PTPN14: variants seen among roughly 807,000 people sequenced by gnomAD.
The protein encoded by PTPN14 is tyrosine-protein phosphatase non-receptor type 14.
In PTPN14, 53 loss-of-function variants were observed where a neutral mutation model predicts 126.8. The observed-to-expected ratio is 0.42, with a 90% CI of 0.34 to 0.53. The LOEUF (loss-of-function observed/expected upper bound fraction) is 0.53. Among genes scored for constraint, PTPN14 ranks in the 20% least tolerant of loss-of-function variants. The pLI is 0.08. For synonymous variants in PTPN14, 630 were observed against 599.3 expected (o/e 1.05, Z -0.75); for missense variants, 1,257 against 1,552.9 (o/e 0.81, Z 3.20).
rs770203527 is a variant in PTPN14, at chr1:214,384,052, C to T, written c.1803G>A (p.Lys601=). The T allele has an allele frequency of 6.3e-7, 1 of 1,585,882 alleles. No homozygotes were observed. The highest frequency in any genetic ancestry group is 1.1e-5 in the South Asian group (1 of 89,226). The change falls in exon 13 of 19, where the codon AAG becomes AAA. Residue 601 remains lysine (K), a synonymous_variant. Transcript: ENST00000366956. The surrounding 1 kb of genome is among the most constrained non-coding windows in gnomAD (Gnocchi z 5.3). The part of the protein sequence containing the change: ...SGSSPDLVTR[K]VQLSVKTFQE... The stretch of plus-strand genomic sequence containing the variant: ...GGAAGGTCTTCACCGAGAGCTGCAC[C>T]TTCCGGGTCACCAGGTCCGGGCTGC...
At chr1:214,433,444 G>A (rs535816931) in intron 3 of PTPN14, among the ~76,000 whole-genome samples, 1 of 152,012 alleles carries the variant, frequency 6.6e-6, no homozygotes, top group Admixed American at 6.6e-5. Context: ...TAGAAAAATG[G>A]GATATTTAAG....
At chr1:214,550,040 A>T (rs988790543) in intron 1 of PTPN14, among the ~76,000 whole-genome samples, 8 of 152,076 alleles carry the variant, frequency 5.3e-5, no homozygotes, top group African/African-American at 1.7e-4. Flanking sequence ...GAGGAGCACA[A>T]CCTCTATCCT....
rs1034337228 is a variant in PTPN14, at chr1:214,467,566, T to C, written c.-154-2609A>G. Among the ~76,000 whole-genome samples, 3 of 47,720 alleles carry C rather than the reference T, an allele frequency of 6.3e-5. No individual in the cohort carries two copies. The East Asian group carries it at 1.5e-3, about 24-fold the overall frequency. 31.3% of individuals were successfully genotyped at this position (47,720 alleles called of 152,430 possible). A position where few individuals can be genotyped will look rare whatever the true frequency, so the allele number is the denominator to read the frequency against. ...GTATAGATGATTGGAATTTTTATGATATACAAAAACACAAAGAGGAAAGAA... is the reference window on the plus strand; with the variant it reads ...GTATAGATGATTGGAATTTTTATGACATACAAAAACACAAAGAGGAAAGAA... On this transcript the variant is annotated intron_variant, in intron 1 of 18. Coordinates refer to ENST00000366956, the MANE Select transcript of PTPN14 (RefSeq NM_005401.5).
At chr1:214,448,933 C>CA (rs1660208913) in intron 3 of PTPN14, among the ~76,000 whole-genome samples, 1 of 151,644 alleles carries the variant, frequency 6.6e-6, no homozygotes, top group South Asian at 2.1e-4. Flanking sequence ...CCAGAACTGA[C>CA]AAAGAATTCC....
At chr1:214,400,528 CCT>C (rs776316290) in intron 7 of PTPN14, among the ~76,000 whole-genome samples, 59 of 152,222 alleles carry the variant, frequency 3.9e-4, no homozygotes, top group Non-Finnish European at 6.5e-4. Flanking sequence ...CTCAACTGCC[CCT>C]GTTTCTCGCA....
chr1:214,471,528 G>A (rs1374273870), intron 1 of PTPN14, among the ~76,000 whole-genome samples: 1 of 152,116 alleles, frequency 6.6e-6, no homozygotes, highest in African/African-American at 2.4e-5. Flanking sequence ...CATAGTTTCA[G>A]AGTATGCTAG....
intron 1 of PTPN14, among the ~76,000 whole-genome samples, chr1:214,526,272 G>C (rs1352758980): frequency 6.6e-6 from 1 of 152,044 alleles, no homozygotes; most frequent in Non-Finnish European, 1.5e-5. Context: ...GGCCAAGCTA[G>C]AGTCACTTCT....
rs183039133 is a variant in PTPN14, at chr1:214,471,115, C to T, written c.-154-6158G>A. Among the ~76,000 whole-genome samples the T allele has an allele frequency of 1.8e-4, 27 of 150,006 alleles. 1 individual carries two copies. In the East Asian group the frequency reaches 2.5e-3, roughly 14 times the overall value. On this transcript the variant is annotated intron_variant, in intron 1 of 18. Coordinates refer to ENST00000366956, the MANE Select transcript of PTPN14 (RefSeq NM_005401.5). Reference sequence around the variant, plus strand: ...TTAAAGACTTAGACTTTCACCTTTCCGTGATGAAAGTAATTTGGAATACAA... The same window carrying T: ...TTAAAGACTTAGACTTTCACCTTTCTGTGATGAAAGTAATTTGGAATACAA...
rs1341049490 is a variant in PTPN14 at position 214,378,042 on chromosome 1, C to T, written c.2605G>A (p.Ala869Thr). The T allele has an allele frequency of 1.2e-6, 2 of 1,612,858 alleles. No homozygotes were observed. Among genetic ancestry groups the T allele is most frequent in the Non-Finnish European group, 8.5e-7 (1 of 1,180,022 alleles). ...CGAGCCACCGAGAGCCCATTCAATG[C>T]TGCCAACATCAGCGGCCTCTTCTGT... Reference protein sequence around the residue: ...EAQKRPLMLAALNGLSVARVS... With the variant: ...EAQKRPLMLATLNGLSVARVS... Residue 869 changes from alanine (A) to threonine (T), a missense_variant, in exon 14 of 19, where the codon GCA becomes ACA. By Grantham distance (58) the Ala-to-Thr change is moderately conservative (BLOSUM62 0). This residue lies in a region of PTPN14 where 1,021 missense variants were observed against 1,183.3 expected (regional missense o/e 0.86). Transcript: ENST00000366956.
chr1:214,404,131 T>A (rs1659104177), intron 5 of PTPN14, among the ~76,000 whole-genome samples: 1 of 152,186 alleles, frequency 6.6e-6, no homozygotes, highest in African/African-American at 2.4e-5. Flanking sequence ...CCCCTAAAAA[T>A]GTACACCTCA....
intron 1 of PTPN14, among the ~76,000 whole-genome samples, chr1:214,474,102 G>A (rs1033996611): frequency 1.3e-5 from 2 of 152,102 alleles, no homozygotes; most frequent in Non-Finnish European, 1.5e-5. Flanking sequence ...CACTAACCAC[G>A]TAAATGACCT....
chr1:214,532,374 G>A (rs1055841286), intron 1 of PTPN14: 18 of 611,922 alleles, frequency 2.9e-5, no homozygotes, highest in South Asian at 1.3e-4. Context: ...GGGCCTGGCC[G>A]CAGGGATGGC....
intron 1 of PTPN14, among the ~76,000 whole-genome samples, chr1:214,492,353 A>G (rs1467208219): frequency 6.6e-6 from 1 of 152,236 alleles, no homozygotes; most frequent in African/African-American, 2.4e-5. Flanking sequence ...TGGCATCTGC[A>G]GATTCAGCAT....
chr1:214,545,404 C>A (rs770652581), intron 1 of PTPN14, among the ~76,000 whole-genome samples: 12 of 152,128 alleles, frequency 7.9e-5, no homozygotes, highest in Non-Finnish European at 1.6e-4. Flanking sequence ...GGGCCAGACT[C>A]CCTTTATCAC....
In PTPN14 at chr1:214,521,084, T is replaced by C. The variant is rs148143362; in HGVS notation, c.-155+30099A>G. On this transcript the variant is annotated intron_variant, in intron 1 of 18. Coordinates refer to ENST00000366956, the MANE Select transcript of PTPN14 (RefSeq NM_005401.5). Reference sequence around the variant, plus strand: ...CTAAGTAGAAAATGAAATTTATCTTTGGAGAAATAACAGTTTTTTTAAAGG... The same window carrying C: ...CTAAGTAGAAAATGAAATTTATCTTCGGAGAAATAACAGTTTTTTTAAAGG... Among the ~76,000 whole-genome samples the C allele has an allele frequency of 5.6e-3, 849 of 152,306 alleles. 9 individuals carry two copies. The highest frequency in any genetic ancestry group is 0.018 in the African/African-American group (732 of 41,552).
At chr1:214,500,321 T>C (rs1314091653) in intron 1 of PTPN14, among the ~76,000 whole-genome samples, 1 of 152,070 alleles carries the variant, frequency 6.6e-6, no homozygotes, top group Non-Finnish European at 1.5e-5. Context: ...GAGCCAGAGA[T>C]CTACCCCCTT....
At chr1:214,444,653 G>A (rs561667120) in intron 3 of PTPN14, among the ~76,000 whole-genome samples, 1 of 152,228 alleles carries the variant, frequency 6.6e-6, no homozygotes, top group African/African-American at 2.4e-5. Context: ...AAAAGTATTG[G>A]TATTTATAAG....
chr1:214,549,451 A>G (rs1656050958), intron 1 of PTPN14, among the ~76,000 whole-genome samples: 1 of 152,228 alleles, frequency 6.6e-6, no homozygotes, highest in African/African-American at 2.4e-5. Context: ...AAACTTAGTG[A>G]CATACAGATG....
At chr1:214,500,534 A>G (rs1654658226) in intron 1 of PTPN14, among the ~76,000 whole-genome samples, 1 of 152,142 alleles carries the variant, frequency 6.6e-6, no homozygotes, top group African/African-American at 2.4e-5. Flanking sequence ...TATGGTTCCA[A>G]ATACAAGTGG....
Sources: allele counts gnomAD v4.1 joint callset (sites outside exome capture counted in the v4.1 genomes callset), GRCh38; gene constraint gnomAD v4.1.1; regional missense constraint gnomAD v4.1.1; non-coding constraint Gnocchi (gnomAD v3.1); transcripts MANE v1.5; gene names NCBI Gene and HGNC (gene_info 2026-07-23, HGNC 2026-07-21).